The following SRGAP3 variants were observed in gnomAD, a reference collection of about 807,000 sequenced individuals.
SRGAP3 encodes the protein SLIT-ROBO Rho GTPase activating protein 3.
A neutral mutation model predicts 121.1 loss-of-function variants in SRGAP3; 39 were observed. The ratio of observed to expected loss-of-function variants is 0.32; its 90% CI spans 0.25 to 0.42. The LOEUF (loss-of-function observed/expected upper bound fraction) is 0.42, where lower values mean the gene tolerates loss of function less well. Among genes scored for constraint, SRGAP3 ranks in the 10% least tolerant of loss-of-function variants. SRGAP3 has a pLI of 1.00. For synonymous variants in SRGAP3, 601 were observed against 570.0 expected (o/e 1.05, Z -0.77); for missense variants, 1,213 against 1,470.6 (o/e 0.82, Z 2.86).
chr3:9,266,446 G>A (rs912141002), intron 3 of SRGAP3, among the ~76,000 whole-genome samples: 7 of 152,062 alleles, frequency 4.6e-5, no homozygotes, highest in Non-Finnish European at 1.0e-4. Context: ...TAGAGTGTCT[G>A]TTCTAAGACA....
At chr3:9,356,434 G>A (rs1430492057) in intron 1 of SRGAP3, among the ~76,000 whole-genome samples, 10 of 123,540 alleles carry the variant, frequency 8.1e-5, no homozygotes, top group African/African-American at 2.9e-4. Context: ...GTGCAGTGGC[G>A]CAAACTGGGC....
At chr3:9,035,442 T>C (rs915789634) in intron 11 of SRGAP3, 2 of 175,874 alleles carry the variant, frequency 1.1e-5, no homozygotes, top group African/African-American at 4.7e-5. Context: ...CTGTCTGGAA[T>C]CTCTGACAAG....
At chr3:9,128,380 T>C (rs1456901376) in intron 1 of SRGAP3, among the ~76,000 whole-genome samples, 1 of 152,240 alleles carries the variant, frequency 6.6e-6, no homozygotes, top group African/African-American at 2.4e-5. Context: ...CTTACATAAG[T>C]AGAGTTTTAA....
intron 1 of SRGAP3, among the ~76,000 whole-genome samples, chr3:9,345,801 A>G (rs1049976542): frequency 2.7e-5 from 4 of 150,772 alleles, no homozygotes; most frequent in East Asian, 1.9e-4. Flanking sequence ...AAAAAAAAAA[A>G]AAAGAAAAGA....
At chr3:8,993,440 T>C (rs1942196191) in intron 19 of SRGAP3, among the ~76,000 whole-genome samples, 1 of 152,152 alleles carries the variant, frequency 6.6e-6, no homozygotes, top group Admixed American at 6.5e-5. Context: ...TCATGAGAAA[T>C]GGCTTCTGGC....
At position 9,174,431 on chromosome 3, in the gene SRGAP3, G is replaced by A. The variant is rs112537727; in HGVS notation, c.68-49514C>T. 2.8e-3 allele frequency among the ~76,000 whole-genome samples: 421 copies of A among 152,310 alleles called. 5 individuals are homozygous for A. Among genetic ancestry groups the A allele is most frequent in the African/African-American group, 9.6e-3 (399 of 41,564 alleles). On this transcript the variant is annotated intron_variant, in intron 1 of 21. Transcript: ENST00000383836. ...GTAAATGAGGAAGTGAAGATGGGAG[G>A]AAGGAAGAAAGGAAACGGAGGGAGA...
intron 4 of SRGAP3, among the ~76,000 whole-genome samples, chr3:9,069,782 A>T (rs1465185972): frequency 4.6e-5 from 7 of 152,144 alleles, no homozygotes; most frequent in African/African-American, 7.2e-5. Flanking sequence ...CCCTGTCTCT[A>T]CTAAAAATAC....
chr3:9,143,158 A>T (rs1949917136), intron 1 of SRGAP3, among the ~76,000 whole-genome samples: 1 of 151,988 alleles, frequency 6.6e-6, no homozygotes, highest in African/African-American at 2.4e-5. Context: ...TTAATCTAAC[A>T]TACCTCTGTT....
Position 9,052,996 on chromosome 3 carries a change from A to G in SRGAP3, c.1323+31T>C, listed in dbSNP as rs757597845. 9 of 1,610,562 alleles carry G rather than the reference A, an allele frequency of 5.6e-6. No homozygotes were observed. In the East Asian group the frequency reaches 1.3e-4, roughly 24 times the overall value. On this transcript the variant is annotated intron_variant, in intron 9 of 21. Coordinates refer to ENST00000383836, the MANE Select transcript of SRGAP3 (RefSeq NM_014850.4). ...AGTCACTGCCAGTGGCTTGGCCGAC[A>G]GTGTGGTTCTGGGCCCAGGATGCCA... is the stretch of plus-strand genomic sequence containing the variant.
intron 1 of SRGAP3, among the ~76,000 whole-genome samples, chr3:9,194,604 C>A (rs185489583): frequency 6.6e-6 from 1 of 152,270 alleles, no homozygotes; most frequent in East Asian, 1.9e-4. Flanking sequence ...GGGCTGAAAG[C>A]CTCCTGAGAG....
intron 9 of SRGAP3, chr3:9,049,393 G>T (rs1246565090): frequency 2.2e-6 from 1 of 456,080 alleles, no homozygotes; most frequent in Non-Finnish European, 4.4e-6. Flanking sequence ...CAGAGCACTT[G>T]ACAGTTTTCA....
In SRGAP3 at chr3:9,037,989, C is replaced by T. The variant is rs932167726; in HGVS notation, c.1436+74G>A. On this transcript the variant is annotated intron_variant, in intron 11 of 21. Coordinates refer to ENST00000383836, the MANE Select transcript of SRGAP3 (RefSeq NM_014850.4). ...CCATCCCTGCTTCTCCAGCTCCTGG[C>T]AGTGCCTCCCCAGCCCCATCCCACT... The T allele has an allele frequency of 6.3e-6, 10 of 1,595,532 alleles. No individual in the cohort carries two copies. The Admixed American group carries it at 1.7e-4, about 27-fold the overall frequency.
chr3:9,070,090 T>A (rs924956253), intron 4 of SRGAP3, among the ~76,000 whole-genome samples: 9 of 152,256 alleles, frequency 5.9e-5, no homozygotes, highest in Admixed American at 6.5e-5. Flanking sequence ...CCTTTTGCTT[T>A]GCACACATTG....
chr3:9,276,658 T>C (rs1954585594), intron 3 of SRGAP3, among the ~76,000 whole-genome samples: 1 of 152,144 alleles, frequency 6.6e-6, no homozygotes, highest in African/African-American at 2.4e-5. Flanking sequence ...AACTCCTGAC[T>C]TTGTGATCCG....
In SRGAP3 at chr3:9,109,642, A is replaced by G. The variant is rs1270789600; in HGVS notation, c.261-4800T>C. On this transcript the variant is annotated intron_variant, in intron 2 of 21. Coordinates refer to ENST00000383836, the MANE Select transcript of SRGAP3 (RefSeq NM_014850.4). The surrounding 1 kb of genome is among the most constrained non-coding windows in gnomAD (Gnocchi z 4.4). The stretch of plus-strand genomic sequence containing the variant: ...ACTTGAGTAAGGAGATTCACAAGGA[A>G]CAGAAAGTGATGAGGCAGCCTCATC... 6.6e-6 allele frequency among the ~76,000 whole-genome samples: 1 copy of G among 152,132 alleles called. No individual in the cohort carries two copies. Among genetic ancestry groups the G allele is most frequent in the Non-Finnish European group, 1.5e-5 (1 of 68,014 alleles).
At chr3:9,061,980 C>G (rs923480476) in intron 5 of SRGAP3, among the ~76,000 whole-genome samples, 1 of 152,204 alleles carries the variant, frequency 6.6e-6, no homozygotes, top group Admixed American at 6.5e-5. Flanking sequence ...CATTCTTACA[C>G]CTTCCTATTC....
At chr3:9,327,860 A>C (rs1193654018) in intron 2 of SRGAP3, among the ~76,000 whole-genome samples, 1 of 151,732 alleles carries the variant, frequency 6.6e-6, no homozygotes, top group Non-Finnish European at 1.5e-5. Flanking sequence ...CTAAATTCAA[A>C]CAACCAGTCA....
At chr3:9,106,850 CCACT>C (rs1490217566) in intron 2 of SRGAP3, among the ~76,000 whole-genome samples, 1 of 151,876 alleles carries the variant, frequency 6.6e-6, no homozygotes, top group Non-Finnish European at 1.5e-5. Context: ...CTGCTGACTC[CCACT>C]ATGACCACAT....
intron 11 of SRGAP3, chr3:9,034,811 A>G (rs1051785261): frequency 1.3e-5 from 2 of 152,222 alleles, no homozygotes; most frequent in African/African-American, 4.8e-5. Context: ...AAGGCAAAAG[A>G]GAGTGTCAAA....
Sources: allele counts gnomAD v4.1 joint callset (sites outside exome capture counted in the v4.1 genomes callset), GRCh38; gene constraint gnomAD v4.1.1; non-coding constraint Gnocchi (gnomAD v3.1); transcripts MANE v1.5; gene names NCBI Gene and HGNC (gene_info 2026-07-23, HGNC 2026-07-21).